ADD1: variants seen among roughly 807,000 people sequenced by gnomAD.
ADD1 encodes the protein alpha-adducin.
In ADD1, 24 loss-of-function variants were observed where a neutral mutation model predicts 80.5. The ratio of observed to expected loss-of-function variants is 0.30; its 90% CI spans 0.22 to 0.42. ADD1 has a LOEUF of 0.42. Among genes scored for constraint, ADD1 ranks in the 10% least tolerant of loss-of-function variants. The pLI is 1.00. For synonymous variants in ADD1, 373 were observed against 393.8 expected (o/e 0.95, Z 0.63); for missense variants, 948 against 1,019.0 (o/e 0.93, Z 0.95).
chr4:2,875,696 G>C (rs905635743), intron 1 of ADD1, among the ~76,000 whole-genome samples, 200 bp from the exon 2 acceptor site: 2 of 152,118 alleles, frequency 1.3e-5, no homozygotes, highest in South Asian at 2.1e-4. Flanking sequence ...CACAGCATTG[G>C]TTAGTGGGAG....
At position 2,854,444 on chromosome 4, in the gene ADD1, C is replaced by T. The variant is rs114208595; in HGVS notation, c.-21+10420C>T. On this transcript the variant is annotated intron_variant, in intron 1 of 15. Transcript: ENST00000683351. ...TTTTTGCTTGCATTGCTCATATTTC[C>T]TATTTACTGTTACTGACTTGAGCAA... 2.5e-3 allele frequency among the ~76,000 whole-genome samples: 385 copies of T among 152,246 alleles called. 4 individuals carry two copies. The highest frequency in any genetic ancestry group is 9.0e-3 in the African/African-American group (375 of 41,534).
intron 1 of ADD1, among the ~76,000 whole-genome samples, chr4:2,870,896 T>C (rs976893449): frequency 1.3e-5 from 2 of 151,992 alleles, no homozygotes; most frequent in African/African-American, 2.4e-5. Flanking sequence ...AAGTAAGTAG[T>C]TTGTGAATTG....
At chr4:2,916,269 C>G (rs374220665) in intron 14 of ADD1, among the ~76,000 whole-genome samples, 1 of 151,530 alleles carries the variant, frequency 6.6e-6, no homozygotes, top group Admixed American at 6.6e-5. Context: ...GATCTCAGCT[C>G]ACTGCAATCT....
At chr4:2,852,517 G>T (rs1727445261) in intron 1 of ADD1, among the ~76,000 whole-genome samples, 1 of 149,880 alleles carries the variant, frequency 6.7e-6, no homozygotes, top group South Asian at 2.1e-4. Flanking sequence ...TTGTAGAGAT[G>T]GGGTTTCGCA....
Position 2,852,195 on chromosome 4 carries a change from T to TTTC in ADD1, c.-21+8172_-21+8174dup, listed in dbSNP as rs1341444750. ...CTTTCTTTCTTTCTTTCTTTCTTTC[T>TTTC]TTCCTTTCTTTCCTTTCCTTTCTTT... On this transcript the variant is annotated intron_variant, in intron 1 of 15. Transcript: ENST00000683351. Among the ~76,000 whole-genome samples the TTTC allele has an allele frequency of 2.4e-4, 26 of 110,114 alleles. 1 individual carries two copies. The highest frequency in any genetic ancestry group is 1.0e-3 in the East Asian group (4 of 3,840). The allele number at this position is 110,114 out of a possible 152,430, so 72.2% of individuals were successfully genotyped here.
At position 2,904,793 on chromosome 4, in the gene ADD1, C is replaced by A; in HGVS notation, c.1191C>A (p.Tyr397Ter). ...LGYRTGYPYR[Y>*]PALREKSKKY... ...ACAGAACTGGCTACCCTTATCGATACCCTGCTCTGAGAGAGAAGTCTAAAA... is the reference window on the plus strand; with the variant it reads ...ACAGAACTGGCTACCCTTATCGATAACCTGCTCTGAGAGAGAAGTCTAAAA... Residue 397 changes from tyrosine to a stop codon, truncating the protein, a stop_gained, in exon 10 of 16, where the codon TAC (tyrosine) becomes TAA (stop). Transcript: ENST00000683351. LOFTEE classifies it high-confidence loss of function. 1.2e-6 allele frequency: 2 copies of A among 1,614,136 alleles called. No individual in the cohort carries two copies. The highest frequency in any genetic ancestry group is 1.7e-6 in the Non-Finnish European group (2 of 1,179,994).
At chr4:2,892,034 C>T (rs993612614) in intron 4 of ADD1, among the ~76,000 whole-genome samples, 1 of 152,152 alleles carries the variant, frequency 6.6e-6, no homozygotes, top group African/African-American at 2.4e-5. Context: ...AGTGCTTCAG[C>T]GCCCATGACA....
chr4:2,898,186 C>T lies in ADD1; in HGVS notation c.744C>T (p.Val248=). 1 of 1,612,434 alleles carries T rather than the reference C, an allele frequency of 6.2e-7. No individual in the cohort carries two copies. Among genetic ancestry groups the T allele is most frequent in the Non-Finnish European group, 8.5e-7 (1 of 1,179,012 alleles). ...VHIHTPAGAA[V]SAMKCGLLPI... Reference sequence around the variant, plus strand: ...CATGGCGACCATTTGGTCTCTAGGTCTCTGCAATGAAATGTGGCCTCTTGC... The same window carrying T: ...CATGGCGACCATTTGGTCTCTAGGTTTCTGCAATGAAATGTGGCCTCTTGC... Residue 248 remains valine, a splice_region_variant and synonymous_variant, in exon 7 of 16, where the codon GTC becomes GTT. Transcript: ENST00000683351.
At chr4:2,876,565 G>A (rs1052193071) in intron 2 of ADD1, among the ~76,000 whole-genome samples, 7 of 152,006 alleles carry the variant, frequency 4.6e-5, no homozygotes, top group Admixed American at 2.6e-4. Context: ...GGCCAGGCGC[G>A]GTGGCTCACG....
At chr4:2,889,372 A>G (rs902338607) in intron 4 of ADD1, among the ~76,000 whole-genome samples, 1 of 152,224 alleles carries the variant, frequency 6.6e-6, no homozygotes, top group African/African-American at 2.4e-5. Flanking sequence ...GTGAAATGCA[A>G]TACTTTAACA....
intron 14 of ADD1, among the ~76,000 whole-genome samples, chr4:2,920,011 T>C (rs1363183017): frequency 6.6e-6 from 1 of 152,276 alleles, no homozygotes; most frequent in Non-Finnish European, 1.5e-5. Flanking sequence ...CTGCTTTAGC[T>C]GTGTCCCAGA....
intron 1 of ADD1, among the ~76,000 whole-genome samples, chr4:2,845,704 G>A (rs1201103892): frequency 6.6e-6 from 1 of 152,068 alleles, no homozygotes; most frequent in Non-Finnish European, 1.5e-5. Context: ...TACTGAGAAG[G>A]TTTTGTTTGG....
At chr4:2,900,844 T>C (rs996439882) in intron 9 of ADD1, 1 of 152,140 alleles carries the variant, frequency 6.6e-6, no homozygotes, top group Admixed American at 6.5e-5. Context: ...ATATAATCAG[T>C]GAGGTTGATT....
chr4:2,868,821 A>T (rs1729962046), intron 1 of ADD1, among the ~76,000 whole-genome samples: 1 of 152,210 alleles, frequency 6.6e-6, no homozygotes, highest in Non-Finnish European at 1.5e-5. Flanking sequence ...ACAGGAGTCC[A>T]GGTGCCAGGC....
chr4:2,882,132 A>C, intron 3 of ADD1, 72 bp downstream of exon 3: 2 of 1,397,692 alleles, frequency 1.4e-6, no homozygotes, highest in Non-Finnish European at 1.9e-6. Flanking sequence ...TGCTCATGTG[A>C]AATAAGTGGG....
chr4:2,875,737 C>T (rs35983864), intron 1 of ADD1, among the ~76,000 whole-genome samples, 159 bp from the exon 2 acceptor site: 15 of 152,176 alleles, frequency 9.9e-5, no homozygotes, highest in Non-Finnish European at 5.9e-5. Flanking sequence ...CCATGTGCCT[C>T]TGAGGCCACA....
intron 4 of ADD1, among the ~76,000 whole-genome samples, chr4:2,885,765 A>G (rs930461777): frequency 1.3e-5 from 2 of 151,468 alleles, no homozygotes; most frequent in Admixed American, 6.6e-5. Flanking sequence ...GCCCGCCACC[A>G]CGCCTGGCTA....
intron 1 of ADD1, among the ~76,000 whole-genome samples, chr4:2,863,154 T>C (rs1340304615): frequency 6.6e-6 from 1 of 151,560 alleles, no homozygotes; most frequent in Non-Finnish European, 1.5e-5. Flanking sequence ...CAAGTGATCC[T>C]CTCACCTCAG....
At chr4:2,888,509 G>A (rs1000111764) in intron 4 of ADD1, among the ~76,000 whole-genome samples, 18 of 151,060 alleles carry the variant, frequency 1.2e-4, no homozygotes, top group Non-Finnish European at 2.5e-4. Context: ...TCTACCTTCC[G>A]AGTTCAGGCA....
Sources: allele counts gnomAD v4.1 joint callset (sites outside exome capture counted in the v4.1 genomes callset), GRCh38; gene constraint gnomAD v4.1.1; transcripts MANE v1.5; gene names NCBI Gene and HGNC (gene_info 2026-07-23, HGNC 2026-07-21).